Variants in ADGRD1 observed in about 807,000 individuals in gnomAD.
ADGRD1 encodes G-protein coupled receptor 133.
ADGRD1 carries 77 observed loss-of-function variants against 113.4 expected under a neutral mutation model. The ratio of observed to expected loss-of-function variants is 0.68; its 90% CI spans 0.57 to 0.82. The LOEUF is 0.82. Among genes scored for constraint, ADGRD1 ranks in the 40% least tolerant of loss-of-function variants. ADGRD1 has a pLI of 0.00. For missense variants in ADGRD1, 1,036 were observed against 1,139.1 expected (o/e 0.91, Z 1.30); for synonymous variants, 474 against 475.0 (o/e 1.00, Z 0.03).
chr12:130,980,080 T>C (rs1872764503), intron 4 of ADGRD1, among the ~76,000 whole-genome samples: 1 of 149,488 alleles, frequency 6.7e-6, no homozygotes, highest in Admixed American at 6.7e-5. Context: ...GTGCGGGGCA[T>C]GCTCAGGAGC....
chr12:130,998,267 C>T (rs1184376818), intron 8 of ADGRD1, among the ~76,000 whole-genome samples: 1 of 152,130 alleles, frequency 6.6e-6, no homozygotes, highest in Non-Finnish European at 1.5e-5. Context: ...AAATACAAGA[C>T]ATCTACGAGG....
intron 6 of ADGRD1, 48 bp downstream of exon 6, chr12:130,987,397 G>T: frequency 6.2e-7 from 1 of 1,607,492 alleles, no homozygotes; most frequent in South Asian, 1.1e-5. Flanking sequence ...TGTTCCCAGG[G>T]TCACCCTGGT....
rs1267226298 is a variant in ADGRD1 at position 131,029,341 on chromosome 12, C to T, written c.1473+15001C>T. On this transcript the variant is annotated intron_variant, in intron 13 of 24. Transcript: ENST00000261654. ...GCCTCCCCCTCCTCTGCTCCTGCCTCCCTCTGTCAAGATCCTTGGGATCAC... is the reference window on the plus strand; with the variant it reads ...GCCTCCCCCTCCTCTGCTCCTGCCTTCCTCTGTCAAGATCCTTGGGATCAC... 2.6e-5 allele frequency among the ~76,000 whole-genome samples: 4 copies of T among 152,334 alleles called. No homozygotes were observed. The East Asian group carries it at 7.7e-4, about 29-fold the overall frequency.
intron 13 of ADGRD1, among the ~76,000 whole-genome samples, chr12:131,065,198 G>T (rs997393161): frequency 6.6e-6 from 1 of 152,216 alleles, no homozygotes; most frequent in Non-Finnish European, 1.5e-5. Flanking sequence ...GTTCAGGGTT[G>T]ATTTTTTTCT....
chr12:131,034,726 C>A (rs1358667653), intron 13 of ADGRD1, among the ~76,000 whole-genome samples: 1 of 152,138 alleles, frequency 6.6e-6, no homozygotes, highest in Non-Finnish European at 1.5e-5. Context: ...CCTCGCTGGG[C>A]AGGGTGGGCT....
intron 8 of ADGRD1, among the ~76,000 whole-genome samples, chr12:130,995,260 G>A (rs970147011): frequency 2.6e-5 from 4 of 152,312 alleles, no homozygotes; most frequent in South Asian, 2.1e-4. Flanking sequence ...TGCCCTCTGC[G>A]GAGCCCAGGT....
At chr12:131,136,938 G>T (rs1951102438) in intron 22 of ADGRD1, 35 bp from the exon 23 acceptor site, 4 of 1,561,332 alleles carry the variant, frequency 2.6e-6, no homozygotes, top group Non-Finnish European at 3.5e-6. Context: ...CGTGCAAAGG[G>T]CTCTAATCTC....
chr12:131,108,835 T>TCGGA lies in ADGRD1; in HGVS notation c.2000_2003dup (p.Glu668AspfsTer288). 1 of 1,610,998 alleles carries TCGGA rather than the reference T, an allele frequency of 6.2e-7. No homozygotes were observed. The highest frequency in any genetic ancestry group is 8.5e-7 in the Non-Finnish European group (1 of 1,179,022). ...CAGCATGGTGATCAAGGTCTTTGGG[T>TCGGA]CGGAGGACAGCAAGCACCGTTACTA... On this transcript the variant is annotated frameshift_variant, in exon 18 of 25. Transcript: ENST00000261654. LOFTEE classifies it high-confidence loss of function.
intron 20 of ADGRD1, 30 bp from the exon 21 acceptor site, chr12:131,131,695 C>G (rs1593270368): frequency 8.9e-6 from 13 of 1,455,310 alleles, no homozygotes; most frequent in Non-Finnish European, 1.3e-5. Flanking sequence ...CCCAGGCCCC[C>G]CTCACCTTCC....
intron 11 of ADGRD1, 36 bp downstream of exon 11, chr12:131,004,332 G>A (rs754871126): frequency 1.1e-5 from 15 of 1,424,860 alleles, no homozygotes; most frequent in African/African-American, 4.3e-5. Context: ...TTCCGGGGCG[G>A]CTCCCTCAAG....
At chr12:131,014,108 T>G (rs1878262453) in intron 12 of ADGRD1, 91 bp from the exon 13 acceptor site, 1 of 1,272,738 alleles carries the variant, frequency 7.9e-7, no homozygotes, top group Non-Finnish European at 1.1e-6. Flanking sequence ...CTCAATAGTT[T>G]TGGGTGGAAC....
chr12:131,063,150 T>C (rs1329468568), intron 13 of ADGRD1, among the ~76,000 whole-genome samples: 1 of 152,218 alleles, frequency 6.6e-6, no homozygotes. Flanking sequence ...ATAGAATCTA[T>C]AGATATTATA....
chr12:130,994,776 G>A (rs575282390), intron 8 of ADGRD1, among the ~76,000 whole-genome samples: 3 of 152,332 alleles, frequency 2.0e-5, no homozygotes, highest in South Asian at 2.1e-4. Context: ...TGCAGCCTCC[G>A]CTCTCTGCCA....
At chr12:131,038,374 G>A (rs1452503032) in intron 13 of ADGRD1, among the ~76,000 whole-genome samples, 2 of 152,182 alleles carry the variant, frequency 1.3e-5, no homozygotes, top group Non-Finnish European at 2.9e-5. Context: ...CCTGCATCTC[G>A]CCTGCCTGCC....
chr12:130,980,458 C>T (rs976821324), intron 4 of ADGRD1, among the ~76,000 whole-genome samples: 6 of 150,444 alleles, frequency 4.0e-5, no homozygotes, highest in Admixed American at 6.7e-5. Context: ...AGTGCAATGG[C>T]GTGGTCTCGG....
At chr12:131,137,921 T>G (rs1247610100) in intron 23 of ADGRD1, 7 of 500,528 alleles carry the variant, frequency 1.4e-5, no homozygotes, top group Non-Finnish European at 2.6e-5. Context: ...CAGAGGCCAC[T>G]CCACACCCAG....
chr12:130,976,356 G>A (rs1161052909), intron 4 of ADGRD1, among the ~76,000 whole-genome samples: 2 of 152,148 alleles, frequency 1.3e-5, no homozygotes, highest in African/African-American at 4.8e-5. Flanking sequence ...TGCAAGATGA[G>A]CCTGAGCTGC....
chr12:131,007,378 C>T (rs538291183), intron 12 of ADGRD1, among the ~76,000 whole-genome samples: 4 of 152,338 alleles, frequency 2.6e-5, no homozygotes, highest in South Asian at 2.1e-4. Context: ...CAAAACCAGG[C>T]GGCCAGCCCA....
intron 22 of ADGRD1, 59 bp downstream of exon 22, chr12:131,136,222 C>T: frequency 1.3e-6 from 2 of 1,597,618 alleles, no homozygotes; most frequent in South Asian, 2.2e-5. Context: ...AGCAGGCTTG[C>T]AGGGAGCTAG....
Sources: allele counts gnomAD v4.1 joint callset (sites outside exome capture counted in the v4.1 genomes callset), GRCh38; gene constraint gnomAD v4.1.1; transcripts MANE v1.5; gene names NCBI Gene and HGNC (gene_info 2026-07-23, HGNC 2026-07-21).